Variants in MAEL observed in about 807,000 individuals in gnomAD.
The protein encoded by MAEL is protein maelstrom homolog.
MAEL carries 46 observed loss-of-function variants against 62.0 expected under a neutral mutation model. That is an observed-to-expected ratio of 0.74 (90% CI 0.59 to 0.95). MAEL has a LOEUF of 0.95. Among genes scored for constraint, MAEL ranks in the 40% least tolerant of loss-of-function variants. The pLI is 0.00. For synonymous variants in MAEL, 172 were observed against 175.5 expected (o/e 0.98, Z 0.16); for missense variants, 497 against 526.8 (o/e 0.94, Z 0.55).
In MAEL at chr1:166,992,741, T is replaced by G. The variant is rs1664245054; in HGVS notation, c.381T>G (p.Pro127=). The part of the protein sequence containing the change: ...FLNIFSHGEL[P]PHCEQRFLPC... ...ACATTTTTAGCCATGGCGAGCTACCTCCTCATTGTGAACAGCGCTTCCTCC... is the reference window on the plus strand; with the variant it reads ...ACATTTTTAGCCATGGCGAGCTACCGCCTCATTGTGAACAGCGCTTCCTCC... The change falls in exon 4 of 12, where the codon CCT becomes CCG. Residue 127 remains proline (P), a synonymous_variant. Coordinates refer to ENST00000367872, the MANE Select transcript of MAEL (RefSeq NM_032858.3). 1.9e-6 allele frequency: 3 copies of G among 1,610,630 alleles called. No homozygotes were observed. The highest frequency in any genetic ancestry group is 2.5e-6 in the Non-Finnish European group (3 of 1,178,798).
intron 8 of MAEL, among the ~76,000 whole-genome samples, chr1:167,009,661 G>A (rs756606966): frequency 6.6e-6 from 1 of 151,272 alleles, no homozygotes; most frequent in Non-Finnish European, 1.5e-5. Flanking sequence ...CTTAAAAGGA[G>A]TCCAATATAT....
intron 8 of MAEL, among the ~76,000 whole-genome samples, chr1:167,015,142 AGT>A (rs562809875): frequency 1.3e-3 from 199 of 152,264 alleles, no homozygotes; most frequent in Non-Finnish European, 2.0e-3. Context: ...GATACAGAAG[AGT>A]GTATAGAAAG....
intron 8 of MAEL, among the ~76,000 whole-genome samples, chr1:167,015,246 ATAACT>A (rs900984990): frequency 6.6e-6 from 1 of 152,158 alleles, no homozygotes; most frequent in African/African-American, 2.4e-5. Context: ...GTATGTTTAT[ATAACT>A]TAACTTTTGT....
chr1:167,010,466 AAG>A (rs1437943946), intron 8 of MAEL, among the ~76,000 whole-genome samples: 1 of 151,432 alleles, frequency 6.6e-6, no homozygotes, highest in African/African-American at 2.4e-5. Context: ...CTTTTTTTTA[AAG>A]AGAGTCTTGC....
chr1:166,984,398 GAGT>G (rs1361009844), upstream of MAEL, among the ~76,000 whole-genome samples: 12 of 152,192 alleles, frequency 7.9e-5, no homozygotes, highest in Admixed American at 7.9e-4. Context: ...CCCTTAAATA[GAGT>G]AGATCTCAAG....
intron 11 of MAEL, 32 bp downstream of exon 11, chr1:167,021,192 T>C: frequency 6.8e-7 from 1 of 1,464,198 alleles, no homozygotes; most frequent in Non-Finnish European, 9.6e-7. Flanking sequence ...AAAATGCACC[T>C]AAAGGATGTT....
intron 8 of MAEL, among the ~76,000 whole-genome samples, chr1:167,005,781 A>G (rs1664868603): frequency 6.6e-6 from 1 of 152,248 alleles, no homozygotes; most frequent in African/African-American, 2.4e-5. Flanking sequence ...TGCAAAAATA[A>G]CACAAAGTTT....
chr1:167,006,676 C>T (rs1664927642), intron 8 of MAEL, among the ~76,000 whole-genome samples: 1 of 138,678 alleles, frequency 7.2e-6, no homozygotes, highest in Admixed American at 7.7e-5. Context: ...TGCTGTATCA[C>T]CTAGGCTGGA....
At chr1:166,979,458 A>C (rs569221451) in intron 1 of MAEL, among the ~76,000 whole-genome samples, 41 of 152,262 alleles carry the variant, frequency 2.7e-4, no homozygotes, top group African/African-American at 9.6e-4. Flanking sequence ...CCGTATACTG[A>C]AAACCAAAAA....
intron 1 of MAEL, among the ~76,000 whole-genome samples, chr1:166,977,788 C>CA (rs1193218608): frequency 1.5e-5 from 2 of 133,788 alleles, no homozygotes; most frequent in Admixed American, 6.9e-5. Flanking sequence ...CCCATCTCTA[C>CA]AAAAAATACA....
intron 1 of MAEL, 24 bp from the exon 2 acceptor site, chr1:166,989,713 C>T: frequency 6.2e-7 from 1 of 1,607,920 alleles, no homozygotes; most frequent in East Asian, 2.2e-5. Flanking sequence ...TGTTTCTCTT[C>T]TTTGCTCCTT....
intron 6 of MAEL, among the ~76,000 whole-genome samples, chr1:167,004,734 G>C (rs1287308729): frequency 6.6e-6 from 1 of 152,122 alleles, no homozygotes; most frequent in Non-Finnish European, 1.5e-5. Context: ...GAGTTGAAAA[G>C]TTGGGTTTTA....
chr1:167,004,050 A>G (rs1327103526), intron 5 of MAEL, 130 bp from the exon 6 acceptor site: 14 of 737,822 alleles, frequency 1.9e-5, no homozygotes, highest in Non-Finnish European at 2.8e-5. Flanking sequence ...ATCCTTAACA[A>G]AAACGGGGCT....
upstream of MAEL, among the ~76,000 whole-genome samples, chr1:166,986,614 C>G (rs918684317): frequency 6.6e-6 from 1 of 152,022 alleles, no homozygotes; most frequent in Admixed American, 6.6e-5. Context: ...AACTTTAAAA[C>G]CAGTGGAAGA....
At chr1:166,993,386 C>T (rs962699550) in intron 4 of MAEL, among the ~76,000 whole-genome samples, 2 of 152,104 alleles carry the variant, frequency 1.3e-5, no homozygotes, top group African/African-American at 4.8e-5. Flanking sequence ...TGTTCCATCC[C>T]ATTAAAAAGC....
At chr1:166,976,775 C>T (rs1387734874) in intron 1 of MAEL, among the ~76,000 whole-genome samples, 1 of 152,192 alleles carries the variant, frequency 6.6e-6, no homozygotes, top group Non-Finnish European at 1.5e-5. Flanking sequence ...AATGTGTACA[C>T]AGACAGGGAG....
intron 8 of MAEL, among the ~76,000 whole-genome samples, chr1:167,010,099 G>C (rs1308105569): frequency 1.3e-5 from 2 of 152,118 alleles, no homozygotes; most frequent in Admixed American, 1.3e-4. Flanking sequence ...GATCATGGCG[G>C]TTCCCCCATG....
At chr1:166,984,376 G>GT (rs1481216110), upstream of MAEL, among the ~76,000 whole-genome samples, 1 of 152,006 alleles carries the variant, frequency 6.6e-6, no homozygotes, top group African/African-American at 2.4e-5. Flanking sequence ...AACATGACAT[G>GT]TTTTTTAAAA....
Position 167,005,306 on chromosome 1 carries a change from A to T in MAEL, c.754A>T (p.Ile252Phe), listed in dbSNP as rs1257098687. 2 of 1,613,636 alleles carry T rather than the reference A, an allele frequency of 1.2e-6. No homozygotes were observed. The highest frequency in any genetic ancestry group is 1.7e-5 in the Admixed American group (1 of 59,946). ...LLTVEDLVVG[I>F]YQQKFLKEPS... ...CACTGTAGAGGACCTTGTAGTGGGGATCTACCAACAAAAATTTCTCAAGGA... is the reference window on the plus strand; with the variant it reads ...CACTGTAGAGGACCTTGTAGTGGGGTTCTACCAACAAAAATTTCTCAAGGA... The change falls in exon 8 of 12, where the codon ATC becomes TTC. Residue 252 changes from isoleucine (I) to phenylalanine (F), a missense_variant. Transcript: ENST00000367872.
Sources: gnomAD v4.1 joint callset for allele counts (sites outside exome capture counted in the v4.1 genomes callset) on GRCh38, gnomAD v4.1.1 for gene constraint, MANE v1.5 for transcripts, NCBI Gene and HGNC (gene_info 2026-07-23, HGNC 2026-07-21) for gene names.